The following ARHGEF3 variants were observed in gnomAD, a reference collection of about 807,000 sequenced individuals.
ARHGEF3 encodes Rho guanine nucleotide exchange factor 3, also known as 59.8 kDA protein.
Under a neutral mutation model 63.2 loss-of-function variants are expected in ARHGEF3, and 28 were observed. The ratio of observed to expected loss-of-function variants is 0.44; its 90% CI spans 0.33 to 0.61. The LOEUF (loss-of-function observed/expected upper bound fraction) is 0.61. Ranked by LOEUF, ARHGEF3 falls within the 20% of genes least tolerant of loss-of-function variation. The pLI is 0.03. For missense variants in ARHGEF3, 533 were observed against 659.3 expected, an observed-to-expected ratio of 0.81 and a Z score of 2.10; for synonymous variants, 266 against 254.2, an observed-to-expected ratio of 1.05 and a Z score of -0.44.
At chr3:56,730,302 G>A (rs951303762) in intron 9 of ARHGEF3, among the ~76,000 whole-genome samples, 3 of 150,142 alleles carry the variant, frequency 2.0e-5, no homozygotes, top group Admixed American at 6.6e-5. Context: ...ATTGTCAAAC[G>A]AAATTACATT....
chr3:56,943,924 A>C (rs1699322108), intron 3 of ARHGEF3, among the ~76,000 whole-genome samples: 1 of 151,440 alleles, frequency 6.6e-6, no homozygotes, highest in African/African-American at 2.4e-5. Context: ...AAAAAAAAAA[A>C]AAACCTCTTT....
intron 4 of ARHGEF3, among the ~76,000 whole-genome samples, chr3:56,814,240 C>CT (rs1436705433): frequency 6.6e-6 from 1 of 152,178 alleles, no homozygotes; most frequent in Non-Finnish European, 1.5e-5. Flanking sequence ...CCCAGGATGG[C>CT]TTTGAATGTG....
At chr3:56,906,282 C>T (rs1040636181) in intron 3 of ARHGEF3, among the ~76,000 whole-genome samples, 1 of 152,356 alleles carries the variant, frequency 6.6e-6, no homozygotes, top group Admixed American at 6.5e-5. Flanking sequence ...CAATAGCTAA[C>T]TGAGGCTAGT....
At chr3:56,979,617 C>T (rs945149195) in intron 2 of ARHGEF3, among the ~76,000 whole-genome samples, 11 of 152,220 alleles carry the variant, frequency 7.2e-5, no homozygotes, top group African/African-American at 2.7e-4. Flanking sequence ...AAGGTCTGGT[C>T]CACATCACGA....
chr3:57,028,564 G>A (rs1703576191), intron 2 of ARHGEF3, among the ~76,000 whole-genome samples: 1 of 100,596 alleles, frequency 9.9e-6, no homozygotes, highest in Admixed American at 1.1e-4. Context: ...AGGGGGGAGG[G>A]ATAGCATTGG....
chr3:56,820,684 T>A (rs566595251), intron 4 of ARHGEF3, among the ~76,000 whole-genome samples: 1 of 152,192 alleles, frequency 6.6e-6, no homozygotes, highest in African/African-American at 2.4e-5. Flanking sequence ...GTTGGGATAC[T>A]GATTCAAACA....
chr3:56,933,394 CTTT>C (rs869041385), intron 3 of ARHGEF3, among the ~76,000 whole-genome samples: 4 of 132,904 alleles, frequency 3.0e-5, no homozygotes, highest in Non-Finnish European at 3.3e-5. Context: ...TGTTTCTTTT[CTTT>C]TTTTTTTTTT....
intron 1 of ARHGEF3, among the ~76,000 whole-genome samples, chr3:56,775,964 C>A (rs2036264556): frequency 6.6e-6 from 1 of 152,164 alleles, no homozygotes; most frequent in Non-Finnish European, 1.5e-5. Flanking sequence ...GAGAATCCTG[C>A]CCGCTGACTC....
At chr3:56,793,050 C>T (rs542302561) in intron 1 of ARHGEF3, among the ~76,000 whole-genome samples, 5 of 151,976 alleles carry the variant, frequency 3.3e-5, no homozygotes, top group South Asian at 2.1e-4. Flanking sequence ...GTTGCCCAGG[C>T]GGCAGTGCAG....
intron 2 of ARHGEF3, among the ~76,000 whole-genome samples, chr3:56,995,260 G>T (rs73088029): frequency 0.16 from 24,552 of 151,944 alleles, 2,555 homozygotes; most frequent in Admixed American, 0.23. Flanking sequence ...GCCGGCGTCT[G>T]GGGGGTGGAG....
intron 4 of ARHGEF3, among the ~76,000 whole-genome samples, chr3:56,811,285 G>A (rs1019464316): frequency 1.4e-5 from 2 of 146,586 alleles, no homozygotes; most frequent in Non-Finnish European, 1.5e-5. Context: ...CAGCATTTAC[G>A]TTTTTAAAAA....
chr3:57,052,401 A>T (rs1382927761), intron 1 of ARHGEF3, among the ~76,000 whole-genome samples: 1 of 152,066 alleles, frequency 6.6e-6, no homozygotes, highest in Admixed American at 6.5e-5. Flanking sequence ...GGTTCAAGCA[A>T]TTCTCCTGCC....
intron 4 of ARHGEF3, among the ~76,000 whole-genome samples, chr3:56,865,290 C>G (rs1165759850): frequency 6.6e-6 from 1 of 152,212 alleles, no homozygotes; most frequent in Non-Finnish European, 1.5e-5. Flanking sequence ...CATGCTACCA[C>G]AGCGCACAGA....
At chr3:56,795,918 G>A (rs1038073403) in intron 1 of ARHGEF3, among the ~76,000 whole-genome samples, 1 of 151,564 alleles carries the variant, frequency 6.6e-6, no homozygotes, top group Non-Finnish European at 1.5e-5. Context: ...CTACAGGCGT[G>A]AGCCACCACA....
intron 3 of ARHGEF3, among the ~76,000 whole-genome samples, chr3:56,888,890 C>T (rs866966135): frequency 3.3e-4 from 50 of 150,946 alleles, no homozygotes; most frequent in Middle Eastern, 3.4e-3. Context: ...GCAATAAGAA[C>T]GAAACTCCAT....
chr3:56,883,135 C>A (rs1239998029), intron 3 of ARHGEF3, among the ~76,000 whole-genome samples: 2 of 152,138 alleles, frequency 1.3e-5, no homozygotes, highest in African/African-American at 2.4e-5. Flanking sequence ...AATCACAGAA[C>A]CCTAATGTTG....
At position 56,962,208 on chromosome 3, in the gene ARHGEF3, G is replaced by A. The variant is rs528988192; in HGVS notation, c.63-3319C>T. ...GAGAAGGCTTCTTGATGAAGCTGGTGAAGGATCCTAGCAGCATAAAGTGCA... is the reference window on the plus strand; with the variant it reads ...GAGAAGGCTTCTTGATGAAGCTGGTAAAGGATCCTAGCAGCATAAAGTGCA... On this transcript the variant is annotated intron_variant, in intron 2 of 12. Transcript: ENST00000338458. Among the ~76,000 whole-genome samples the A allele has an allele frequency of 2.0e-5, 3 of 152,316 alleles. No individual in the cohort carries two copies. The South Asian group carries it at 6.2e-4, about 32-fold the overall frequency.
intron 1 of ARHGEF3, among the ~76,000 whole-genome samples, chr3:56,781,647 A>G (rs958454706): frequency 6.6e-6 from 1 of 152,260 alleles, no homozygotes; most frequent in African/African-American, 2.4e-5. Context: ...AGCAGTCATA[A>G]GAAACTAACA....
At chr3:57,027,298 C>T (rs955375217) in intron 2 of ARHGEF3, among the ~76,000 whole-genome samples, 1 of 152,196 alleles carries the variant, frequency 6.6e-6, no homozygotes, top group African/African-American at 2.4e-5. Flanking sequence ...CTGGCAGTTC[C>T]CCTTGTCACT....
Sources: allele counts gnomAD v4.1 joint callset (sites outside exome capture counted in the v4.1 genomes callset), GRCh38; gene constraint gnomAD v4.1.1; transcripts MANE v1.5; gene names NCBI Gene and HGNC (gene_info 2026-07-23, HGNC 2026-07-21).